Variants in CSNK2A2IP observed in about 807,000 individuals in gnomAD.
CSNK2A2IP encodes casein kinase 2 subunit alpha' interacting protein, also known as casein kinase II subunit alpha'-interacting protein.
the CSNK2A2IP span, among the ~76,000 whole-genome samples, chr3:88,463,304 C>T: frequency 6.8e-6 from 1 of 147,936 alleles, no homozygotes; most frequent in Admixed American, 6.8e-5. Context: ...GAAGAGCCAA[C>T]CTTGGACCCT....
At chr3:88,404,204 G>A in the CSNK2A2IP span, among the ~76,000 whole-genome samples, 8 of 152,144 alleles carry the variant, frequency 5.3e-5, no homozygotes, top group African/African-American at 1.7e-4. Context: ...TCCAGGAAAG[G>A]TGTGGGGCTG....
the CSNK2A2IP span, among the ~76,000 whole-genome samples, chr3:88,417,547 G>A: frequency 6.6e-6 from 1 of 152,114 alleles, no homozygotes; most frequent in Non-Finnish European, 1.5e-5. Context: ...GTAACCTACT[G>A]TTTTGTAGCT....
chr3:88,455,265 T>C, the CSNK2A2IP span, among the ~76,000 whole-genome samples: 68 of 152,074 alleles, frequency 4.5e-4, no homozygotes, highest in Non-Finnish European at 7.8e-4. Flanking sequence ...ATGGTATTTC[T>C]GTTCTTAAAT....
the CSNK2A2IP span, chr3:88,399,891 A>G: frequency 6.6e-6 from 1 of 152,260 alleles, no homozygotes; most frequent in Non-Finnish European, 1.5e-5. Context: ...GAACTGACCC[A>G]GATTAGTAAA....
At chr3:88,375,830 T>C in the CSNK2A2IP span, among the ~76,000 whole-genome samples, 4 of 151,822 alleles carry the variant, frequency 2.6e-5, no homozygotes, top group Non-Finnish European at 4.4e-5. Context: ...CAAGACACCA[T>C]GCTCTCTTTT....
the CSNK2A2IP span, among the ~76,000 whole-genome samples, chr3:88,426,823 A>G: frequency 1.4e-5 from 2 of 143,854 alleles, no homozygotes; most frequent in Non-Finnish European, 3.0e-5. Context: ...ACATTACCCA[A>G]TCTCAGGTAT....
chr3:88,448,236 T>C, the CSNK2A2IP span, among the ~76,000 whole-genome samples: 1 of 152,324 alleles, frequency 6.6e-6, no homozygotes, highest in Middle Eastern at 3.4e-3. Flanking sequence ...ATCCTACACC[T>C]TGACAAATGT....
chr3:88,423,785 G>A, the CSNK2A2IP span, among the ~76,000 whole-genome samples: 2 of 146,806 alleles, frequency 1.4e-5, no homozygotes, highest in Non-Finnish European at 2.9e-5. Flanking sequence ...GAATGTAGAA[G>A]AGTAGCATCA....
At chr3:88,380,998 C>T in the CSNK2A2IP span, among the ~76,000 whole-genome samples, 1 of 152,096 alleles carries the variant, frequency 6.6e-6, no homozygotes, top group Non-Finnish European at 1.5e-5. Flanking sequence ...GGGTGCCAGT[C>T]AAATTGGAGA....
chr3:88,466,099 A>G, the CSNK2A2IP span: 3 of 1,231,522 alleles, frequency 2.4e-6, no homozygotes, highest in Non-Finnish European at 3.0e-6. Context: ...ATCACTCAAC[A>G]CAAAACTTCA....
chr3:88,449,024 T>C, the CSNK2A2IP span, among the ~76,000 whole-genome samples: 1 of 152,128 alleles, frequency 6.6e-6, no homozygotes, highest in Non-Finnish European at 1.5e-5. Context: ...AGAATATTCT[T>C]TGGGGCTTGC....
At chr3:88,367,196 CA>C in the CSNK2A2IP span, among the ~76,000 whole-genome samples, 1 of 152,014 alleles carries the variant, frequency 6.6e-6, no homozygotes, top group Non-Finnish European at 1.5e-5. Context: ...TCATTGTTAT[CA>C]AAAGGACCTT....
the CSNK2A2IP span, among the ~76,000 whole-genome samples, chr3:88,453,548 C>G: frequency 9.9e-5 from 15 of 151,944 alleles, no homozygotes; most frequent in African/African-American, 3.6e-4. Context: ...TGTATGGGTT[C>G]CCTGAAGGAC....
At chr3:88,415,730 A>G in the CSNK2A2IP span, among the ~76,000 whole-genome samples, 2 of 152,016 alleles carry the variant, frequency 1.3e-5, no homozygotes, top group African/African-American at 2.4e-5. Context: ...TGCAAAGTCC[A>G]TCTAACTTCA....
the CSNK2A2IP span, among the ~76,000 whole-genome samples, chr3:88,398,771 T>C: frequency 6.6e-6 from 1 of 152,160 alleles, no homozygotes; most frequent in Non-Finnish European, 1.5e-5. Context: ...AGGAGCCTTA[T>C]ATAGGGAGAC....
chr3:88,344,946 T>C, the CSNK2A2IP span, among the ~76,000 whole-genome samples: 1 of 152,022 alleles, frequency 6.6e-6, no homozygotes, highest in Admixed American at 6.6e-5. Context: ...TGTTTTAATT[T>C]CTTTTATGTT....
chr3:88,352,994 T>G, the CSNK2A2IP span, among the ~76,000 whole-genome samples: 1 of 152,180 alleles, frequency 6.6e-6, no homozygotes, highest in Non-Finnish European at 1.5e-5. Context: ...AAGGATAAAT[T>G]CCCCTCAAGC....
chr3:88,419,093 A>C, the CSNK2A2IP span, among the ~76,000 whole-genome samples: 1 of 152,150 alleles, frequency 6.6e-6, no homozygotes, highest in Non-Finnish European at 1.5e-5. Flanking sequence ...GTTTCAGGAA[A>C]ACAAGCTCAG....
At chr3:88,380,788 A>C in the CSNK2A2IP span, among the ~76,000 whole-genome samples, 1 of 152,182 alleles carries the variant, frequency 6.6e-6, no homozygotes, top group Admixed American at 6.5e-5. Flanking sequence ...GTGTCAGAAA[A>C]AGAGAGTAAA....
Sources: allele counts gnomAD v4.1 joint callset (sites outside exome capture counted in the v4.1 genomes callset), GRCh38; gene constraint gnomAD v4.1.1; transcripts MANE v1.5; gene names NCBI Gene and HGNC (gene_info 2026-07-23, HGNC 2026-07-21).